Variants in PCDH9 observed in about 807,000 individuals in gnomAD.
PCDH9 encodes the protein protocadherin-9.
A neutral mutation model predicts 70.6 loss-of-function variants in PCDH9; 24 were observed. The ratio of observed to expected loss-of-function variants is 0.34; its 90% CI spans 0.25 to 0.48. The LOEUF (loss-of-function observed/expected upper bound fraction) is 0.48, where lower values mean the gene tolerates loss of function less well. Ranked by LOEUF, PCDH9 falls within the 20% of genes least tolerant of loss-of-function variation. The pLI is 0.99. For missense variants in PCDH9, 1,281 were observed against 1,503.6 expected (o/e 0.85, Z 2.45); for synonymous variants, 562 against 558.5 (o/e 1.01, Z -0.09).
At chr13:66,648,469 T>C (rs145444025) in intron 3 of PCDH9, among the ~76,000 whole-genome samples, 347 of 152,358 alleles carry the variant, frequency 2.3e-3, no homozygotes, top group Middle Eastern at 3.4e-3. Flanking sequence ...AGGTGGTACC[T>C]TCAAAAGTCA....
At chr13:66,533,299 G>A (rs1309980845) in intron 4 of PCDH9, among the ~76,000 whole-genome samples, 2 of 151,946 alleles carry the variant, frequency 1.3e-5, no homozygotes, top group Non-Finnish European at 1.5e-5. Flanking sequence ...AAATAAATAT[G>A]TTCATTAGAT....
intron 2 of PCDH9, among the ~76,000 whole-genome samples, chr13:67,084,981 AAAAAAAAAAAAAAAAAAT>A (rs1383188798): frequency 4.3e-5 from 3 of 69,610 alleles, no homozygotes; most frequent in Admixed American, 1.7e-4. Context: ...AAAAAAAAAA[AAAAAAAAAAAAAAAAAAT>A]ATATATATAT....
At chr13:66,567,939 C>A (rs1566423985) in intron 4 of PCDH9, among the ~76,000 whole-genome samples, 1 of 152,092 alleles carries the variant, frequency 6.6e-6, no homozygotes, top group Non-Finnish European at 1.5e-5. Context: ...TTATATTCCA[C>A]TAGTGCTGGT....
At chr13:67,031,222 C>T (rs996445630) in intron 2 of PCDH9, among the ~76,000 whole-genome samples, 2 of 152,072 alleles carry the variant, frequency 1.3e-5, no homozygotes, top group African/African-American at 4.8e-5. Flanking sequence ...AAGTTGAAAA[C>T]ATTCATAATT....
chr13:66,379,211 T>C (rs965146403), intron 4 of PCDH9, among the ~76,000 whole-genome samples: 3 of 152,154 alleles, frequency 2.0e-5, no homozygotes, highest in Admixed American at 6.5e-5. Context: ...TGTCCTACCA[T>C]GTGTGCTGCA....
At chr13:66,459,699 T>G (rs1196626218) in intron 4 of PCDH9, among the ~76,000 whole-genome samples, 3 of 152,016 alleles carry the variant, frequency 2.0e-5, no homozygotes, top group African/African-American at 4.8e-5. Context: ...CTTTCTTAAT[T>G]AACATGAAGA....
chr13:66,593,629 A>G (rs1286831776), intron 4 of PCDH9, among the ~76,000 whole-genome samples: 2 of 151,730 alleles, frequency 1.3e-5, no homozygotes, highest in Non-Finnish European at 3.0e-5. Flanking sequence ...CAGAAAATCT[A>G]TTTCTCCAGT....
At chr13:66,393,504 A>C (rs1957053579) in intron 4 of PCDH9, among the ~76,000 whole-genome samples, 1 of 152,188 alleles carries the variant, frequency 6.6e-6, no homozygotes, top group South Asian at 2.1e-4. Context: ...CAATGTATGG[A>C]CATGTTGACA....
At chr13:66,359,293 G>T (rs1022742721) in intron 4 of PCDH9, among the ~76,000 whole-genome samples, 4 of 151,846 alleles carry the variant, frequency 2.6e-5, no homozygotes, top group Non-Finnish European at 4.4e-5. Flanking sequence ...TCAGCATTCC[G>T]CAGGGGCTGT....
At chr13:66,423,417 C>A (rs1397816345) in intron 4 of PCDH9, among the ~76,000 whole-genome samples, 3 of 151,290 alleles carry the variant, frequency 2.0e-5, no homozygotes, top group Non-Finnish European at 4.4e-5. Context: ...AACATCATTG[C>A]GAAAATCCTC....
intron 4 of PCDH9, among the ~76,000 whole-genome samples, chr13:66,614,648 T>A (rs1334365515): frequency 1.3e-5 from 2 of 152,184 alleles, no homozygotes; most frequent in Non-Finnish European, 2.9e-5. Flanking sequence ...CCCTGAAGTG[T>A]CCAGAAAAGA....
At chr13:67,111,365 G>C (rs2138270692) in intron 2 of PCDH9, among the ~76,000 whole-genome samples, 1 of 152,004 alleles carries the variant, frequency 6.6e-6, no homozygotes, top group East Asian at 1.9e-4. Context: ...TTCAAGCTAT[G>C]TACAATTTTA....
chr13:66,595,479 G>A (rs879705251), intron 4 of PCDH9, among the ~76,000 whole-genome samples: 10 of 151,662 alleles, frequency 6.6e-5, no homozygotes, highest in South Asian at 6.2e-4. Flanking sequence ...TATATAAAGG[G>A]GTGAGATTTC....
intron 3 of PCDH9, among the ~76,000 whole-genome samples, chr13:66,737,440 T>G (rs1013273627): frequency 2.0e-5 from 3 of 152,258 alleles, no homozygotes; most frequent in African/African-American, 7.2e-5. Context: ...GTTGGCAGTC[T>G]ATTTACTTTT....
intron 4 of PCDH9, among the ~76,000 whole-genome samples, chr13:66,539,750 A>C (rs540807091): frequency 6.6e-6 from 1 of 152,122 alleles, no homozygotes; most frequent in Non-Finnish European, 1.5e-5. Flanking sequence ...CAAAAAGCTT[A>C]ACATTTACAA....
At chr13:66,700,223 G>C (rs2078620210) in intron 3 of PCDH9, among the ~76,000 whole-genome samples, 1 of 152,032 alleles carries the variant, frequency 6.6e-6, no homozygotes, top group African/African-American at 2.4e-5. Context: ...AATTAGGCTG[G>C]GTAGAAAGGC....
Position 67,164,070 on chromosome 13 carries a change from A to G in PCDH9, c.3036+61335T>C, listed in dbSNP as rs571628601. On this transcript the variant is annotated intron_variant, in intron 2 of 4. Transcript: ENST00000377865. The stretch of plus-strand genomic sequence containing the variant: ...CACTCTAACAAAATCATGTGTTTTG[A>G]CATCTTCTAGTTATTACTAAATGTG... Among the ~76,000 whole-genome samples the G allele has an allele frequency of 5.9e-5, 9 of 152,306 alleles. 1 individual carries two copies. In the East Asian group the frequency reaches 1.7e-3, roughly 29 times the overall value.
At chr13:67,052,077 G>T (rs1238633835) in intron 2 of PCDH9, among the ~76,000 whole-genome samples, 2 of 152,264 alleles carry the variant, frequency 1.3e-5, no homozygotes, top group African/African-American at 4.8e-5. Flanking sequence ...TCTGCTATAA[G>T]TGATATAGTT....
chr13:66,310,809 C>G (rs1195418236), intron 4 of PCDH9, among the ~76,000 whole-genome samples: 1 of 151,948 alleles, frequency 6.6e-6, no homozygotes, highest in Non-Finnish European at 1.5e-5. Flanking sequence ...CTCCATTTTT[C>G]ATTTTGTTCA....
Sources: allele counts gnomAD v4.1 joint callset (sites outside exome capture counted in the v4.1 genomes callset), GRCh38; gene constraint gnomAD v4.1.1; transcripts MANE v1.5; gene names NCBI Gene and HGNC (gene_info 2026-07-23, HGNC 2026-07-21).